The following DOCK8 variants were observed in gnomAD, a reference collection of about 807,000 sequenced individuals.
DOCK8 encodes dedicator of cytokinesis protein 8.
Under a neutral mutation model 245.6 loss-of-function variants are expected in DOCK8, and 141 were observed. That is an observed-to-expected ratio of 0.57 (90% CI 0.50 to 0.66). The LOEUF is 0.66. DOCK8 is among the 30% of genes least tolerant of loss of function. The pLI is 0.00. For synonymous variants in DOCK8, 1,168 were observed against 970.2 expected (o/e 1.20, Z -3.79); for missense variants, 2,965 against 2,603.4 (o/e 1.14, Z -3.02).
chr9:213,394 A>G (rs1193536090), upstream of DOCK8: 1 of 152,220 alleles, frequency 6.6e-6, no homozygotes, highest in Non-Finnish European at 1.5e-5. Flanking sequence ...CAATAGGAAT[A>G]TAATGAGGCT....
chr9:257,753 A>C lies in DOCK8; in HGVS notation c.54-13874A>C, dbSNP rs959275911. Among the ~76,000 whole-genome samples the C allele has an allele frequency of 4.6e-5, 7 of 152,224 alleles. No individual in the cohort carries two copies. In the East Asian group the frequency reaches 9.6e-4, roughly 21 times the overall value. On this transcript the variant is annotated intron_variant, in intron 1 of 47. Transcript: ENST00000432829. ...AGGATGGTCTTGATCCCTTGACCTC[A>C]TGATCTGCCCACCTCGGCCTCCTAA...
intron 14 of DOCK8, among the ~76,000 whole-genome samples, chr9:347,099 G>A (rs1279572205): frequency 6.6e-6 from 1 of 152,064 alleles, no homozygotes; most frequent in Non-Finnish European, 1.5e-5. Flanking sequence ...TCTGGGATGG[G>A]GCACTGGTGG....
chr9:312,977 C>G (rs1034972899), intron 6 of DOCK8: 1 of 153,600 alleles, frequency 6.5e-6, no homozygotes, highest in Non-Finnish European at 1.4e-5. Flanking sequence ...AAAAGATATT[C>G]TATCCATCCA....
intron 26 of DOCK8, among the ~76,000 whole-genome samples, chr9:400,977 T>TCAC (rs1397127411): frequency 3.2e-4 from 21 of 65,812 alleles, no homozygotes; most frequent in South Asian, 5.1e-4. Context: ...TCCTCCACCA[T>TCAC]CACCACCTCC....
At chr9:254,678 A>G (rs1440564736) in intron 1 of DOCK8, among the ~76,000 whole-genome samples, 1 of 152,210 alleles carries the variant, frequency 6.6e-6, no homozygotes, top group African/African-American at 2.4e-5. Flanking sequence ...AGATAGAACC[A>G]CATTGACTCA....
chr9:399,467 G>A (rs572542841), intron 26 of DOCK8, among the ~76,000 whole-genome samples: 19 of 152,012 alleles, frequency 1.2e-4, no homozygotes, highest in Middle Eastern at 3.4e-3. Context: ...AGCATTTACC[G>A]ACAGTGTAGA....
rs1564011555 is a variant in DOCK8 at position 400,021 on chromosome 9, ACC to A, written c.3234+763_3234+764del. Among the ~76,000 whole-genome samples, 397 of 111,318 alleles carry A rather than the reference ACC, an allele frequency of 3.6e-3. 23 individuals carry two copies. Among genetic ancestry groups the A allele is most frequent in the African/African-American group, 0.012 (300 of 25,614 alleles). The allele number at this position is 111,318 out of a possible 152,430, so 73.0% of individuals were successfully genotyped here. On this transcript the variant is annotated intron_variant, in intron 26 of 47. Transcript: ENST00000432829. ...CTCCACCACCTCCACCATCACCACC[ACC>A]TCCACCATCACCACCACCACCTCCA...
At chr9:339,166 G>A (rs1449320484) in intron 13 of DOCK8, 67 bp downstream of exon 13, 2 of 1,303,464 alleles carry the variant, frequency 1.5e-6, no homozygotes, top group African/African-American at 1.5e-5. Flanking sequence ...CACAGTCTTT[G>A]TCTAATGCCA....
intron 46 of DOCK8, among the ~76,000 whole-genome samples, chr9:457,735 C>T (rs1463594867): frequency 6.6e-6 from 1 of 152,220 alleles, no homozygotes; most frequent in Non-Finnish European, 1.5e-5. Context: ...GTTTATCATT[C>T]TCATATTGTA....
At chr9:444,171 G>A (rs184668037) in intron 43 of DOCK8, among the ~76,000 whole-genome samples, 10 of 151,952 alleles carry the variant, frequency 6.6e-5, no homozygotes, top group Admixed American at 5.9e-4. Context: ...ACGTGGAGGT[G>A]GTATCAGCTC....
At chr9:414,047 C>G (rs1006505039) in intron 28 of DOCK8, among the ~76,000 whole-genome samples, 6 of 151,056 alleles carry the variant, frequency 4.0e-5, no homozygotes, top group African/African-American at 1.5e-4. Flanking sequence ...GAGGCTGAGT[C>G]AGAAGAATTG....
At chr9:429,947 T>C (rs993070247) in intron 36 of DOCK8, 93 bp downstream of exon 36, 3 of 1,466,860 alleles carry the variant, frequency 2.0e-6, no homozygotes, top group Non-Finnish European at 1.9e-6. Context: ...AATTTTGCAG[T>C]ATTGCAGTTT....
At chr9:391,140 C>A (rs1009830782) in intron 24 of DOCK8, among the ~76,000 whole-genome samples, 2 of 152,164 alleles carry the variant, frequency 1.3e-5, no homozygotes, top group Non-Finnish European at 2.9e-5. Context: ...GATTCTCTTC[C>A]TGCTCCCTAA....
chr9:389,524 A>G (rs1369386403), intron 23 of DOCK8, among the ~76,000 whole-genome samples: 1 of 152,210 alleles, frequency 6.6e-6, no homozygotes, highest in Non-Finnish European at 1.5e-5. Context: ...TATAAAAACA[A>G]AAATTGTCCA....
chr9:457,485 T>C (rs1310568243), intron 46 of DOCK8, among the ~76,000 whole-genome samples: 1 of 152,146 alleles, frequency 6.6e-6, no homozygotes, highest in East Asian at 1.9e-4. Flanking sequence ...GAGTGGGAAA[T>C]AGAGAATTAA....
At chr9:399,734 A>C (rs1019652737) in intron 26 of DOCK8, among the ~76,000 whole-genome samples, 1 of 152,076 alleles carries the variant, frequency 6.6e-6, no homozygotes, top group African/African-American at 2.4e-5. Context: ...CTGAGCACAT[A>C]GCAAATATTT....
intron 25 of DOCK8, among the ~76,000 whole-genome samples, chr9:397,350 C>CA (rs36020302): frequency 0.33 from 28,984 of 87,516 alleles, 4,453 homozygotes; most frequent in East Asian, 0.69. Flanking sequence ...GACTCTGTCT[C>CA]AAAAAAAAAA....
intron 2 of DOCK8, among the ~76,000 whole-genome samples, chr9:276,051 T>C (rs2130047641): frequency 6.6e-6 from 1 of 152,042 alleles, no homozygotes; most frequent in South Asian, 2.1e-4. Flanking sequence ...CCGCCATGTC[T>C]GGCTAATTTT....
At chr9:249,847 C>T (rs1039357236) in intron 1 of DOCK8, among the ~76,000 whole-genome samples, 56 of 150,888 alleles carry the variant, frequency 3.7e-4, no homozygotes, top group African/African-American at 1.2e-3. Context: ...AGGTTGGTCT[C>T]GAACTCCTGA....
Sources: allele counts gnomAD v4.1 joint callset (sites outside exome capture counted in the v4.1 genomes callset), GRCh38; gene constraint gnomAD v4.1.1; transcripts MANE v1.5; gene names NCBI Gene and HGNC (gene_info 2026-07-23, HGNC 2026-07-21).